PLD1: variants seen among roughly 807,000 people sequenced by gnomAD.
PLD1 encodes the protein phospholipase D1.
A neutral mutation model predicts 137.1 loss-of-function variants in PLD1; 112 were observed. The ratio of observed to expected loss-of-function variants is 0.82; its 90% CI spans 0.70 to 0.96. PLD1 has a LOEUF of 0.96. PLD1 is among the 40% of genes least tolerant of loss of function. The pLI, the probability that PLD1 is intolerant of heterozygous loss-of-function variation, is 0.00. For missense variants in PLD1, 1,321 were observed against 1,342.0 expected (o/e 0.98, Z 0.24); for synonymous variants, 431 against 454.7 (o/e 0.95, Z 0.66).
At chr3:171,779,441 G>A (rs1404403617) in intron 1 of PLD1, among the ~76,000 whole-genome samples, 2 of 152,202 alleles carry the variant, frequency 1.3e-5, no homozygotes, top group African/African-American at 4.8e-5. Flanking sequence ...TTCAGCTGAG[G>A]AACATTGTAG....
At chr3:171,750,667 G>A (rs1220401851) in intron 1 of PLD1, among the ~76,000 whole-genome samples, 1 of 152,166 alleles carries the variant, frequency 6.6e-6, no homozygotes, top group Admixed American at 6.5e-5. Context: ...AATAGCTTGT[G>A]TTCAGGAGAA....
chr3:171,668,802 C>A (rs1011013658), intron 19 of PLD1, among the ~76,000 whole-genome samples: 3 of 152,216 alleles, frequency 2.0e-5, no homozygotes, highest in African/African-American at 4.8e-5. Flanking sequence ...TCAGCATTTT[C>A]TTTCAGCTTA....
intron 1 of PLD1, among the ~76,000 whole-genome samples, chr3:171,785,729 G>A (rs540412157): frequency 2.0e-5 from 3 of 152,086 alleles, no homozygotes; most frequent in East Asian, 1.9e-4. Flanking sequence ...GAGCCACCAC[G>A]CCCAGCCTCC....
intron 1 of PLD1, among the ~76,000 whole-genome samples, chr3:171,753,299 G>A (rs1165885129): frequency 2.0e-5 from 3 of 152,106 alleles, no homozygotes; most frequent in African/African-American, 7.2e-5. Flanking sequence ...CATTCCCAAG[G>A]GTCAGAAGCA....
At chr3:171,733,793 T>C (rs1719130391) in intron 5 of PLD1, among the ~76,000 whole-genome samples, 1 of 152,240 alleles carries the variant, frequency 6.6e-6, no homozygotes, top group Non-Finnish European at 1.5e-5. Flanking sequence ...ATAGCTATTA[T>C]AGCAGGACTT....
intron 1 of PLD1, among the ~76,000 whole-genome samples, chr3:171,785,437 T>A (rs1042880376): frequency 3.8e-5 from 4 of 106,158 alleles, no homozygotes; most frequent in Non-Finnish European, 7.4e-5. Flanking sequence ...AAATCCAGTG[T>A]CTATTTTTTT....
At chr3:171,641,781 C>T (rs571895801) in intron 23 of PLD1, among the ~76,000 whole-genome samples, 1 of 152,274 alleles carries the variant, frequency 6.6e-6, no homozygotes, top group African/African-American at 2.4e-5. Context: ...TTGTCTCTTG[C>T]TTGCCACCAT....
intron 8 of PLD1, among the ~76,000 whole-genome samples, chr3:171,715,454 G>C (rs754014060): frequency 2.6e-5 from 4 of 151,962 alleles, no homozygotes; most frequent in Non-Finnish European, 5.9e-5. Flanking sequence ...GGCTGTTCAG[G>C]GTCTTTTGTT....
rs754096339 is a variant in PLD1, at chr3:171,687,525, T to C, written c.1599A>G (p.Gln533=). ...CAATACTCTTCTGGATGGGTAGGTT[T>C]TGAACAGGCTCATTTTTATCTTTGA... ...LRLKDKNEPV[Q]NLPIQKSIDD... The change falls in exon 15 of 27, where the codon CAA becomes CAG. Residue 533 remains glutamine, a synonymous_variant. Coordinates refer to ENST00000351298, the MANE Select transcript of PLD1 (RefSeq NM_002662.5). 6.2e-7 allele frequency: 1 copy of C among 1,614,034 alleles called. No individual in the cohort carries two copies. The highest frequency in any genetic ancestry group is 8.5e-7 in the Non-Finnish European group (1 of 1,180,008).
intron 25 of PLD1, among the ~76,000 whole-genome samples, chr3:171,605,835 A>G (rs1234332093): frequency 1.3e-5 from 2 of 152,228 alleles, no homozygotes; most frequent in Non-Finnish European, 2.9e-5. Context: ...ACTGAGGGCA[A>G]AGCCCTTTTC....
At chr3:171,792,312 T>C (rs1723244416) in intron 1 of PLD1, 2 of 319,414 alleles carry the variant, frequency 6.3e-6, no homozygotes, top group South Asian at 2.6e-5. Flanking sequence ...ACCTCCGTTA[T>C]TGGCCCCATC....
chr3:171,788,119 G>T (rs924273578), intron 1 of PLD1, among the ~76,000 whole-genome samples: 7 of 151,714 alleles, frequency 4.6e-5, no homozygotes, highest in Admixed American at 3.3e-4. Context: ...ACTTGAGCCC[G>T]GGAGGTTGAG....
At chr3:171,797,693 C>A (rs919410173) in intron 1 of PLD1, among the ~76,000 whole-genome samples, 3 of 152,078 alleles carry the variant, frequency 2.0e-5, no homozygotes, top group African/African-American at 7.2e-5. Flanking sequence ...TTTAAGTAAG[C>A]AGCTTTTGAC....
intron 1 of PLD1, among the ~76,000 whole-genome samples, chr3:171,800,000 G>A (rs548108854): frequency 6.6e-6 from 1 of 152,154 alleles, no homozygotes; most frequent in Non-Finnish European, 1.5e-5. Flanking sequence ...GCAAGATACT[G>A]GAATAGAAAA....
intron 24 of PLD1, among the ~76,000 whole-genome samples, chr3:171,616,210 G>A (rs7355830): frequency 0.078 from 11,912 of 152,100 alleles, 1,323 homozygotes; most frequent in African/African-American, 0.25. Flanking sequence ...TGTGTTCTGT[G>A]TATTAAATGG....
At chr3:171,744,094 C>A (rs1392907677) in intron 1 of PLD1, among the ~76,000 whole-genome samples, 2 of 152,200 alleles carry the variant, frequency 1.3e-5, no homozygotes, top group African/African-American at 4.8e-5. Context: ...GCTAACACAG[C>A]AAACTGCTAG....
At chr3:171,782,713 C>G (rs1722840432) in intron 1 of PLD1, among the ~76,000 whole-genome samples, 2 of 151,850 alleles carry the variant, frequency 1.3e-5, no homozygotes, top group South Asian at 4.2e-4. Flanking sequence ...GAATTGGAGA[C>G]AGTGAGAACT....
chr3:171,685,254 G>A (rs1449099811), intron 16 of PLD1, among the ~76,000 whole-genome samples: 1 of 152,154 alleles, frequency 6.6e-6, no homozygotes, highest in Non-Finnish European at 1.5e-5. Flanking sequence ...ATGAAAGAAT[G>A]CTGGGAATCA....
At chr3:171,648,140 C>T (rs933776741) in intron 21 of PLD1, among the ~76,000 whole-genome samples, 2 of 152,110 alleles carry the variant, frequency 1.3e-5, no homozygotes, top group Non-Finnish European at 2.9e-5. Context: ...CACCTTTTGG[C>T]TATTGTGAAT....
Sources: gnomAD v4.1 joint callset for allele counts (sites outside exome capture counted in the v4.1 genomes callset) on GRCh38, gnomAD v4.1.1 for gene constraint, MANE v1.5 for transcripts, NCBI Gene and HGNC (gene_info 2026-07-23, HGNC 2026-07-21) for gene names.